NBEA: variants seen among roughly 807,000 people sequenced by gnomAD.
NBEA encodes lysosomal-trafficking regulator 2.
A neutral mutation model predicts 343.4 loss-of-function variants in NBEA; 44 were observed. That is an observed-to-expected ratio of 0.13 (90% CI 0.10 to 0.16). The LOEUF is 0.16. NBEA is among the 10% of genes least tolerant of loss of function. The pLI is 1.00. For synonymous variants in NBEA, 1,175 were observed against 1,238.7 expected (o/e 0.95, Z 1.08); for missense variants, 2,555 against 3,631.3 (o/e 0.70, Z 7.62).
At chr13:35,425,174 TCTTC>T (rs545592212) in intron 38 of NBEA, among the ~76,000 whole-genome samples, 68 of 152,198 alleles carry the variant, frequency 4.5e-4, no homozygotes, top group Non-Finnish European at 8.5e-4. Context: ...CTTAGTTATT[TCTTC>T]CTTCTGCTAG....
intron 33 of NBEA, among the ~76,000 whole-genome samples, chr13:35,221,331 A>AGACACTAT: frequency 6.6e-6 from 1 of 150,702 alleles, no homozygotes; most frequent in Non-Finnish European, 1.5e-5. Context: ...CGACAGAGTG[A>AGACACTAT]GACACTATTT....
chr13:35,125,323 C>T (rs945732974), intron 17 of NBEA, among the ~76,000 whole-genome samples: 4 of 152,106 alleles, frequency 2.6e-5, no homozygotes, highest in Non-Finnish European at 5.9e-5. Flanking sequence ...TGAGAGAGTT[C>T]ACTTATAGCA....
intron 30 of NBEA, among the ~76,000 whole-genome samples, chr13:35,193,168 GTT>G (rs1322910722): frequency 6.6e-6 from 1 of 151,794 alleles, no homozygotes; most frequent in Non-Finnish European, 1.5e-5. Context: ...TGCTGCAATT[GTT>G]TTCTCTCAAA....
At position 35,417,417 on chromosome 13, in the gene NBEA, G is replaced by A. The variant is rs188650486; in HGVS notation, c.6180-14852G>A. On this transcript the variant is annotated intron_variant, in intron 38 of 58. Transcript: ENST00000379939. ...TACACACCGCTTTAAATGTGTCCCCGAGATTCTGCTATGTTGTGTCTTTGT... is the reference window on the plus strand; with the variant it reads ...TACACACCGCTTTAAATGTGTCCCCAAGATTCTGCTATGTTGTGTCTTTGT... Among the ~76,000 whole-genome samples the A allele has an allele frequency of 3.9e-3, 598 of 152,160 alleles. 2 individuals carry two copies. Among genetic ancestry groups the A allele is most frequent in the Non-Finnish European group, 4.5e-3 (307 of 67,994 alleles).
chr13:35,142,852 A>G (rs73502413), intron 18 of NBEA, among the ~76,000 whole-genome samples: 16 of 152,168 alleles, frequency 1.1e-4, no homozygotes, highest in Non-Finnish European at 2.4e-4. Context: ...CATCATTTCA[A>G]TTTAGAGGTT....
At chr13:35,230,850 A>G (rs777681934) in intron 33 of NBEA, among the ~76,000 whole-genome samples, 1 of 152,006 alleles carries the variant, frequency 6.6e-6, no homozygotes, top group Admixed American at 6.6e-5. Context: ...GAGAATTTGT[A>G]CTTCTAACAA....
chr13:35,125,662 AT>A (rs1207145890), intron 17 of NBEA, among the ~76,000 whole-genome samples: 1 of 152,194 alleles, frequency 6.6e-6, no homozygotes, highest in Non-Finnish European at 1.5e-5. Flanking sequence ...ATTAGACTGC[AT>A]CAAAAGAATT....
chr13:35,071,020 G>T (rs550900756), intron 10 of NBEA, 168 bp downstream of exon 10: 25 of 568,240 alleles, frequency 4.4e-5, no homozygotes, highest in African/African-American at 2.7e-4. Context: ...AATAAATAAA[G>T]AAAACGCTGA....
At chr13:35,412,369 A>G (rs929781692) in intron 38 of NBEA, among the ~76,000 whole-genome samples, 1 of 152,126 alleles carries the variant, frequency 6.6e-6, no homozygotes, top group Non-Finnish European at 1.5e-5. Context: ...ATATTTTGTA[A>G]TCATGTTTCA....
At chr13:35,268,696 T>A (rs2033889163) in intron 34 of NBEA, among the ~76,000 whole-genome samples, 1 of 152,108 alleles carries the variant, frequency 6.6e-6, no homozygotes, top group Admixed American at 6.6e-5. Context: ...TTTTGTATAT[T>A]CATTTCCAGT....
intron 47 of NBEA, among the ~76,000 whole-genome samples, chr13:35,599,159 C>G (rs1235817959): frequency 2.0e-5 from 3 of 152,122 alleles, no homozygotes; most frequent in Non-Finnish European, 2.9e-5. Context: ...GCTGATCTTC[C>G]AGACCCCACC....
intron 34 of NBEA, among the ~76,000 whole-genome samples, chr13:35,273,500 T>A (rs1171206816): frequency 1.3e-5 from 2 of 151,354 alleles, no homozygotes; most frequent in African/African-American, 4.9e-5. Flanking sequence ...AGACAAGAAA[T>A]AACTAAGATA....
At chr13:35,246,200 T>C (rs893568904) in intron 34 of NBEA, among the ~76,000 whole-genome samples, 7 of 152,180 alleles carry the variant, frequency 4.6e-5, no homozygotes, top group African/African-American at 1.7e-4. Context: ...CTTATATCAC[T>C]TTTTCAATTT....
At chr13:35,601,761 C>CAAAAAAAA (rs869213180) in intron 47 of NBEA, among the ~76,000 whole-genome samples, 2 of 114,912 alleles carry the variant, frequency 1.7e-5, no homozygotes, top group Non-Finnish European at 1.6e-5. Flanking sequence ...GACTCCATCG[C>CAAAAAAAA]AAAAAAAAAA....
intron 28 of NBEA, among the ~76,000 whole-genome samples, chr13:35,180,805 C>T (rs2073412124): frequency 6.6e-6 from 1 of 151,698 alleles, no homozygotes; most frequent in Non-Finnish European, 1.5e-5. Context: ...AATTTGTAGT[C>T]TTTTATCTGT....
At chr13:35,178,398 C>A (rs1418402962) in intron 28 of NBEA, among the ~76,000 whole-genome samples, 3 of 151,548 alleles carry the variant, frequency 2.0e-5, no homozygotes, top group Non-Finnish European at 4.4e-5. Context: ...CCTAAAAATT[C>A]TTGGCGTAGT....
rs1256530906 is a variant in NBEA at position 35,189,504 on chromosome 13, T to A, written c.4927+5433T>A. ...AGTATTATTGGTTGCCTCTATTCCA[T>A]TATAAAAGTGCATGATACATTTTAA... is the stretch of plus-strand genomic sequence containing the variant. On this transcript the variant is annotated intron_variant, in intron 30 of 58. Transcript: ENST00000379939. Among the ~76,000 whole-genome samples the A allele has an allele frequency of 2.6e-5, 4 of 151,946 alleles. No individual in the cohort carries two copies. In the East Asian group the frequency reaches 7.7e-4, roughly 29 times the overall value.
At chr13:35,526,363 A>G (rs1206223654) in intron 41 of NBEA, among the ~76,000 whole-genome samples, 1 of 152,236 alleles carries the variant, frequency 6.6e-6, no homozygotes, top group Non-Finnish European at 1.5e-5. Context: ...AAAAAATACA[A>G]GTTTTTGGCC....
intron 34 of NBEA, among the ~76,000 whole-genome samples, chr13:35,268,009 A>C (rs533355686): frequency 6.6e-6 from 1 of 152,200 alleles, no homozygotes; most frequent in South Asian, 2.1e-4. Context: ...TTCTGGGTAC[A>C]TACCCAAAGG....
Sources: gnomAD v4.1 joint callset for allele counts (sites outside exome capture counted in the v4.1 genomes callset) on GRCh38, gnomAD v4.1.1 for gene constraint, MANE v1.5 for transcripts, NCBI Gene and HGNC (gene_info 2026-07-23, HGNC 2026-07-21) for gene names.